POU2F2: variants seen among roughly 807,000 people sequenced by gnomAD.
The protein encoded by POU2F2 is POU class 2 homeobox 2, also known as POU domain, class 2, transcription factor 2.
Under a neutral mutation model 63.5 loss-of-function variants are expected in POU2F2, and 14 were observed. The ratio of observed to expected loss-of-function variants is 0.22; its 90% confidence interval spans 0.15 to 0.34. The LOEUF (loss-of-function observed/expected upper bound fraction) is 0.34, where lower values mean the gene tolerates loss of function less well. POU2F2 is among the 10% of genes least tolerant of loss of function. The probability of loss-of-function intolerance (pLI) is 1.00; values close to 1 mark genes in which losing one functional copy is unlikely to be tolerated. For missense variants in POU2F2, 607 were observed against 815.2 expected (o/e 0.74, Z 3.11); for synonymous variants, 306 against 348.6 (o/e 0.88, Z 1.36).
intron 14 of POU2F2, 65 bp downstream of exon 14, chr19:42,091,802 G>A: frequency 6.5e-7 from 1 of 1,543,272 alleles, no homozygotes; most frequent in Non-Finnish European, 8.7e-7. Flanking sequence ...GAGCAGCAAT[G>A]GCAGGGCTCG....
rs182286091 is a variant in POU2F2, at chr19:42,139,299, G to A, written c.-8-16723C>T. On this transcript the variant is annotated intron_variant, in intron 2 of 6. Transcript: ENST00000524801. ...CACACCACTCTACTTCAGCCTGGGT[G>A]ACAGAGCGAGACTGTCTCTGAAAAA... 2.6e-5 allele frequency among the ~76,000 whole-genome samples: 4 copies of A among 152,240 alleles called. No individual in the cohort carries two copies. The East Asian group carries it at 7.7e-4, about 29-fold the overall frequency.
At chr19:42,122,456 G>A in intron 2 of POU2F2, 55 bp downstream of exon 2, 1 of 1,607,318 alleles carries the variant, frequency 6.2e-7, no homozygotes. Context: ...CTTCCCATCT[G>A]TCCCACTTCC....
intron 1 of POU2F2, among the ~76,000 whole-genome samples, chr19:42,188,433 G>A (rs533852670): frequency 1.1e-4 from 17 of 151,894 alleles, no homozygotes; most frequent in African/African-American, 4.1e-4. Flanking sequence ...CACTTTGGGA[G>A]GCCGAGGTGG....
chr19:42,099,516 G>T lies in POU2F2; in HGVS notation c.567+11C>A. The T allele has an allele frequency of 1.2e-6, 2 of 1,600,336 alleles. No homozygotes were observed. The highest frequency in any genetic ancestry group is 1.1e-5 in the South Asian group (1 of 90,792). On this transcript the variant is annotated intron_variant, in intron 7 of 14. Transcript: ENST00000692977. The stretch of plus-strand genomic sequence containing the variant: ...CTGGCCTGGCCTGGTGCACTCAATG[G>T]ACAGTCTCACCTGTGTGGGAAGCCC...
At chr19:42,181,906 A>G (rs2034965013) in intron 1 of POU2F2, among the ~76,000 whole-genome samples, 1 of 152,078 alleles carries the variant, frequency 6.6e-6, no homozygotes, top group Admixed American at 6.6e-5. Flanking sequence ...CTTTAGATAG[A>G]TGCATTTGTT....
In POU2F2 at chr19:42,169,726, G is replaced by A. The variant is rs1000702091; in HGVS notation, c.-70+6237C>T. Among the ~76,000 whole-genome samples the A allele has an allele frequency of 1.3e-5, 2 of 152,108 alleles. No homozygotes were observed. The highest frequency in any genetic ancestry group is 2.4e-5 in the African/African-American group (1 of 41,406). ...AGACTTACGTGGCCTCTCTAGTTTG[G>A]CGAATGAGTGCGCGCACACGTGTGT... On this transcript the variant is annotated intron_variant, in intron 1 of 6. Transcript: ENST00000524801. This position sits in a 1 kb window ranked among gnomAD's most constrained non-coding sequence, Gnocchi z 4.3.
At chr19:42,102,583 C>T (rs558455161) in intron 5 of POU2F2, among the ~76,000 whole-genome samples, 4 of 150,806 alleles carry the variant, frequency 2.7e-5, no homozygotes, top group African/African-American at 9.8e-5. Context: ...ATAGTGAGAC[C>T]CCCATCTCAA....
upstream of POU2F2, among the ~76,000 whole-genome samples, chr19:42,180,813 A>T (rs933780691): frequency 7.9e-5 from 12 of 151,956 alleles, no homozygotes; most frequent in African/African-American, 2.9e-4. Flanking sequence ...TGTAGCCTCA[A>T]ACTCCTGGGC....
chr19:42,088,288 A>G lies in POU2F2; in HGVS notation c.*2969T>C, dbSNP rs2076611429. 1.3e-5 allele frequency: 2 copies of G among 151,618 alleles called. No individual in the cohort carries two copies. The highest frequency in any genetic ancestry group is 4.9e-5 in the African/African-American group (2 of 41,230). The allele number at this position is 151,618 out of a possible 1,614,324, so 9.4% of individuals were successfully genotyped here. A position where few individuals can be genotyped will look rare whatever the true frequency, so the allele number is the denominator to read the frequency against. On this transcript the variant is annotated 3_prime_UTR_variant, in exon 15 of 15. Transcript: ENST00000692977. ...TCTTGTTTTTCTTTTCCTAGGTGTG[A>G]GGGTTGGATGGGGAGGGTCCCCAGC...
chr19:42,096,360 GAC>G lies in POU2F2; in HGVS notation c.568-119_568-118del. ...CCCTGCGTTCCATCCGCCGCCTGCA[GAC>G]TCCCCCCGCCTTCCTCCACAAGCAC... is the stretch of plus-strand genomic sequence containing the variant. On this transcript the variant is annotated intron_variant, in intron 7 of 14. Transcript: ENST00000692977. The surrounding 1 kb of genome is among the most constrained non-coding windows in gnomAD (Gnocchi z 4.1). 1 of 1,071,136 alleles carries G rather than the reference GAC, an allele frequency of 9.3e-7. No individual in the cohort carries two copies. The highest frequency in any genetic ancestry group is 1.6e-5 in the South Asian group (1 of 61,096). 66.4% of individuals were successfully genotyped at this position (1,071,136 alleles called of 1,614,324 possible). A position where few individuals can be genotyped will look rare whatever the true frequency, so the allele number is the denominator to read the frequency against.
intron 4 of POU2F2, among the ~76,000 whole-genome samples, chr19:42,119,666 C>T (rs757526056): frequency 1.3e-5 from 2 of 151,966 alleles, no homozygotes; most frequent in Non-Finnish European, 2.9e-5. Flanking sequence ...AGCGAGACTC[C>T]GCCTCAAAAA....
intron 1 of POU2F2, among the ~76,000 whole-genome samples, chr19:42,195,910 G>A (rs1874462757): frequency 1.3e-5 from 2 of 151,880 alleles, no homozygotes; most frequent in South Asian, 4.2e-4. Context: ...CTCCCTGGCA[G>A]TTGGGATTAC....
chr19:42,123,508 T>C (rs2032887328), intron 1 of POU2F2, among the ~76,000 whole-genome samples: 1 of 152,152 alleles, frequency 6.6e-6, no homozygotes, highest in African/African-American at 2.4e-5. Context: ...CAGCTCACAT[T>C]AGCGGTTAGT....
chr19:42,165,833 T>C (rs967253695), intron 1 of POU2F2, among the ~76,000 whole-genome samples: 5 of 152,212 alleles, frequency 3.3e-5, no homozygotes, highest in Admixed American at 2.6e-4. Flanking sequence ...CAGCCATAAA[T>C]GCTGTGAGTA....
chr19:42,126,425 A>G (rs1392337332), intron 1 of POU2F2, among the ~76,000 whole-genome samples: 2 of 151,464 alleles, frequency 1.3e-5, no homozygotes, highest in African/African-American at 4.9e-5. Flanking sequence ...CCTGAGTGAC[A>G]GAGCAAGACT....
In POU2F2 at chr19:42,091,860, C is replaced by T; in HGVS notation, c.1540+7G>A. ...TGACGATGGGTGTGACATGAGGCAGCACGCACCTTGGATAGTGGCCAAAGG... is the reference window on the plus strand; with the variant it reads ...TGACGATGGGTGTGACATGAGGCAGTACGCACCTTGGATAGTGGCCAAAGG... On this transcript the variant is annotated splice_region_variant and intron_variant, in intron 14 of 14. Transcript: ENST00000692977. 1 of 1,538,802 alleles carries T rather than the reference C, an allele frequency of 6.5e-7. No homozygotes were observed. Among genetic ancestry groups the T allele is most frequent in the Non-Finnish European group, 8.7e-7 (1 of 1,146,888 alleles).
At chr19:42,182,137 G>T (rs960606472) in intron 1 of POU2F2, among the ~76,000 whole-genome samples, 1 of 152,032 alleles carries the variant, frequency 6.6e-6, no homozygotes, top group Non-Finnish European at 1.5e-5. Context: ...TGTTATTCAG[G>T]AGGCTGAGGC....
Position 42,096,021 on chromosome 19 carries a change from G to A in POU2F2, c.729+61C>T. On this transcript the variant is annotated intron_variant, in intron 8 of 14. Coordinates refer to ENST00000692977, the MANE Select transcript of POU2F2 (RefSeq NM_001394376.1). This position sits in a 1 kb window ranked among gnomAD's most constrained non-coding sequence, Gnocchi z 4.1. ...CCCGCCCACTGGCCACGCCCCTCGC[G>A]GCATCTATCAACTGGCCACGCCCCC... 6.2e-7 allele frequency: 1 copy of A among 1,609,732 alleles called. No individual in the cohort carries two copies. The highest frequency in any genetic ancestry group is 8.5e-7 in the Non-Finnish European group (1 of 1,177,978).
In POU2F2 at chr19:42,086,555, A is replaced by G. The variant is rs754736933; in HGVS notation, c.*4702T>C. 5 of 152,114 alleles carry G rather than the reference A, an allele frequency of 3.3e-5. No individual in the cohort carries two copies. The highest frequency in any genetic ancestry group is 5.9e-5 in the Non-Finnish European group (4 of 68,052). 9.4% of individuals were successfully genotyped at this position (152,114 alleles called of 1,614,324 possible). On this transcript the variant is annotated 3_prime_UTR_variant, in exon 15 of 15. Transcript: ENST00000692977. ...CCAAGTAGGGTGGTCACCTTGCCCT[A>G]GTGCAGCCCTGGATTTGGAAGGTGA...
Sources: gnomAD v4.1 joint callset for allele counts (sites outside exome capture counted in the v4.1 genomes callset) on GRCh38, gnomAD v4.1.1 for gene constraint, Gnocchi (gnomAD v3.1) non-coding constraint, MANE v1.5 for transcripts, NCBI Gene and HGNC (gene_info 2026-07-23, HGNC 2026-07-21) for gene names.